Variants in ARMH3 observed in about 807,000 individuals in gnomAD.
ARMH3 encodes the protein armadillo-like helical domain-containing protein 3.
In ARMH3, 60 loss-of-function variants were observed where a neutral mutation model predicts 99.1. The ratio of observed to expected loss-of-function variants is 0.61; its 90% confidence interval spans 0.49 to 0.75. ARMH3 has a LOEUF of 0.75. Among genes scored for constraint, ARMH3 ranks in the 30% least tolerant of loss-of-function variants. ARMH3 has a pLI of 0.00. For synonymous variants in ARMH3, 285 were observed against 292.8 expected, an observed-to-expected ratio of 0.97 and a Z score of 0.27; for missense variants, 679 against 843.1, an observed-to-expected ratio of 0.81 and a Z score of 2.41.
intron 22 of ARMH3, among the ~76,000 whole-genome samples, chr10:101,947,724 G>A (rs796941988): frequency 1.1e-4 from 16 of 151,660 alleles, no homozygotes; most frequent in South Asian, 4.2e-4. Context: ...CGCTTGAACC[G>A]GGGAGGCAGA....
chr10:101,967,425 A>G (rs1845585105), intron 20 of ARMH3, among the ~76,000 whole-genome samples: 2 of 152,152 alleles, frequency 1.3e-5, no homozygotes, highest in African/African-American at 4.8e-5. Flanking sequence ...TCTGAAGCCA[A>G]CACCTGCCAG....
At chr10:101,962,277 G>A (rs542255901) in intron 20 of ARMH3, among the ~76,000 whole-genome samples, 30 of 152,126 alleles carry the variant, frequency 2.0e-4, no homozygotes, top group Non-Finnish European at 3.8e-4. Flanking sequence ...CTGGGAATGC[G>A]CTGTCCCAAA....
At chr10:102,043,977 T>C (rs1468961022) in intron 1 of ARMH3, among the ~76,000 whole-genome samples, 7 of 151,706 alleles carry the variant, frequency 4.6e-5, no homozygotes, top group Admixed American at 4.6e-4. Context: ...AGTGCAGTGG[T>C]GCAATCTCGG....
chr10:101,874,626 T>A (rs1162778227), intron 24 of ARMH3, among the ~76,000 whole-genome samples: 1 of 152,154 alleles, frequency 6.6e-6, no homozygotes, highest in Admixed American at 6.6e-5. Context: ...AGCTCAATCA[T>A]TTGCTAAGCT....
At chr10:101,949,505 A>C (rs1449655865) in intron 22 of ARMH3, among the ~76,000 whole-genome samples, 2 of 152,188 alleles carry the variant, frequency 1.3e-5, no homozygotes, top group Non-Finnish European at 2.9e-5. Flanking sequence ...CAAAGACACA[A>C]GCTTCCAAAG....
At chr10:101,861,449 TTGACTGGG>T (rs2066866296) in intron 24 of ARMH3, among the ~76,000 whole-genome samples, 1 of 152,166 alleles carries the variant, frequency 6.6e-6, no homozygotes, top group Non-Finnish European at 1.5e-5. Context: ...AAAGAAGTTC[TTGACTGGG>T]CACAGTGGTT....
At chr10:101,880,163 T>C (rs1350616065) in intron 24 of ARMH3, among the ~76,000 whole-genome samples, 1 of 152,218 alleles carries the variant, frequency 6.6e-6, no homozygotes, top group Non-Finnish European at 1.5e-5. Context: ...TACAGGCTGT[T>C]GTAGAAAAAC....
intron 24 of ARMH3, among the ~76,000 whole-genome samples, chr10:101,885,717 A>G (rs1422965217): frequency 6.6e-6 from 1 of 152,198 alleles, no homozygotes; most frequent in Non-Finnish European, 1.5e-5. Flanking sequence ...TGGTTGCACA[A>G]CAATGTGAAT....
rs535176326 is a variant in ARMH3, at chr10:101,906,106, T to C, written c.1782-16616A>G. On this transcript the variant is annotated intron_variant, in intron 23 of 25. Transcript: ENST00000370033. The stretch of plus-strand genomic sequence containing the variant: ...GTTTAGCTCTAGTCCATCTTCAGTG[T>C]TGTATCACATTTCATTGTATAAATA... 8.5e-5 allele frequency among the ~76,000 whole-genome samples: 13 copies of C among 152,380 alleles called. No individual in the cohort carries two copies. The South Asian group carries it at 2.7e-3, about 32-fold the overall frequency.
intron 1 of ARMH3, among the ~76,000 whole-genome samples, chr10:102,048,414 G>C (rs1325297209): frequency 1.3e-5 from 2 of 152,028 alleles, no homozygotes; most frequent in African/African-American, 4.8e-5. Flanking sequence ...ATATACAAAG[G>C]AGGCAACACG....
In ARMH3 at chr10:102,006,584, G is replaced by GTAGGA; in HGVS notation, c.999_1003dup (p.Thr335IlefsTer19). 6.2e-7 allele frequency: 1 copy of GTAGGA among 1,614,072 alleles called. No homozygotes were observed. On this transcript the variant is annotated frameshift_variant, in exon 14 of 26. Coordinates refer to ENST00000370033, the MANE Select transcript of ARMH3 (RefSeq NM_024541.3). LOFTEE classifies it high-confidence loss of function. Reference sequence around the variant, plus strand: ...GGTCCCAAGTGGTGTGACTGGGGTTGTAGGAGCAGGACTGACAGGGGTCGT... The same window carrying GTAGGA: ...GGTCCCAAGTGGTGTGACTGGGGTTGTAGGATAGGAGCAGGACTGACAGGGGTCGT...
intron 19 of ARMH3, among the ~76,000 whole-genome samples, chr10:101,986,447 C>CTT (rs200933112): frequency 6.9e-6 from 1 of 144,716 alleles, no homozygotes. Flanking sequence ...CAAGACCTTT[C>CTT]TTTTTTTTTT....
At chr10:101,954,820 T>C (rs1231436239) in intron 22 of ARMH3, among the ~76,000 whole-genome samples, 3 of 152,220 alleles carry the variant, frequency 2.0e-5, no homozygotes, top group Non-Finnish European at 2.9e-5. Context: ...GCCCTCCTAG[T>C]TAACATTTTT....
chr10:101,940,710 G>A (rs1250293495), intron 22 of ARMH3, among the ~76,000 whole-genome samples: 1 of 151,316 alleles, frequency 6.6e-6, no homozygotes, highest in South Asian at 2.1e-4. Flanking sequence ...ACCTTTTTTT[G>A]CTCCTCTGAC....
At chr10:101,893,444 T>C (rs144202457) in intron 23 of ARMH3, among the ~76,000 whole-genome samples, 34 of 152,170 alleles carry the variant, frequency 2.2e-4, no homozygotes, top group East Asian at 1.9e-3. Context: ...TTGTTTTTTA[T>C]TATTATTATT....
At chr10:101,943,082 G>T (rs1156780280) in intron 22 of ARMH3, among the ~76,000 whole-genome samples, 1 of 152,128 alleles carries the variant, frequency 6.6e-6, no homozygotes, top group Admixed American at 6.5e-5. Flanking sequence ...TGCAGGGTTG[G>T]GAAGAGGAAT....
chr10:101,937,000 G>A (rs1590049900), intron 23 of ARMH3, among the ~76,000 whole-genome samples: 1 of 152,116 alleles, frequency 6.6e-6, no homozygotes, highest in East Asian at 1.9e-4. Flanking sequence ...CTTTACAGAG[G>A]GTGGATAGAG....
In ARMH3 at chr10:102,039,984, G is replaced by C. The variant is rs1339493633; in HGVS notation, c.102+29C>G. 3 of 1,573,278 alleles carry C rather than the reference G, an allele frequency of 1.9e-6. No individual in the cohort carries two copies. The South Asian group carries it at 3.3e-5, about 17-fold the overall frequency. ...TTGGACTAAGAAACTAAAGACTCAAGCTGTACACAACAAGGCCGCAGGCCT... is the reference window on the plus strand; with the variant it reads ...TTGGACTAAGAAACTAAAGACTCAACCTGTACACAACAAGGCCGCAGGCCT... On this transcript the variant is annotated intron_variant, in intron 2 of 25. Coordinates refer to ENST00000370033, the MANE Select transcript of ARMH3 (RefSeq NM_024541.3).
chr10:101,886,048 A>C (rs1359983902), intron 24 of ARMH3, among the ~76,000 whole-genome samples: 2 of 149,366 alleles, frequency 1.3e-5, no homozygotes, highest in Non-Finnish European at 3.0e-5. Flanking sequence ...CAAGGGCAAG[A>C]CTCCATCTCA....
Sources: gnomAD v4.1 joint callset for allele counts (sites outside exome capture counted in the v4.1 genomes callset) on GRCh38, gnomAD v4.1.1 for gene constraint, MANE v1.5 for transcripts, NCBI Gene and HGNC (gene_info 2026-07-23, HGNC 2026-07-21) for gene names.